The following SH3RF1 variants were observed in gnomAD, a reference collection of about 807,000 sequenced individuals.
SH3RF1 encodes the protein E3 ubiquitin-protein ligase SH3RF1.
Under a neutral mutation model 74.0 loss-of-function variants are expected in SH3RF1, and 32 were observed. The observed-to-expected ratio is 0.43, with a 90% CI of 0.33 to 0.58. The LOEUF is 0.58. Among genes scored for constraint, SH3RF1 ranks in the 20% least tolerant of loss-of-function variants. The pLI is 0.05. For missense variants in SH3RF1, 954 were observed against 1,130.9 expected, an observed-to-expected ratio of 0.84 and a Z score of 2.24; for synonymous variants, 396 against 439.6, an observed-to-expected ratio of 0.90 and a Z score of 1.24.
At chr4:169,268,779 T>C in intron 2 of SH3RF1, 41 bp downstream of exon 2, 1 of 1,518,888 alleles carries the variant, frequency 6.6e-7, no homozygotes. Context: ...ATGTGGACAT[T>C]ACCACCTTTA....
In SH3RF1 at chr4:169,234,398, C is replaced by T. The variant is rs150566149; in HGVS notation, c.393+34422G>A. On this transcript the variant is annotated intron_variant, in intron 2 of 11. Coordinates refer to ENST00000284637, the MANE Select transcript of SH3RF1 (RefSeq NM_020870.4). ...CCCTGATTTAGAATATGATCTCAGACGAAATACCATGGTCTTCCAGTTCTC... is the reference window on the plus strand; with the variant it reads ...CCCTGATTTAGAATATGATCTCAGATGAAATACCATGGTCTTCCAGTTCTC... 8.4e-4 allele frequency among the ~76,000 whole-genome samples: 128 copies of T among 152,146 alleles called. 1 individual carries two copies. The highest frequency in any genetic ancestry group is 5.8e-3 in the East Asian group (30 of 5,168).
intron 4 of SH3RF1, among the ~76,000 whole-genome samples, chr4:169,155,234 G>C (rs1734032034): frequency 6.6e-6 from 1 of 152,182 alleles, no homozygotes; most frequent in African/African-American, 2.4e-5. Context: ...TAAGCATACA[G>C]TGACATTTAA....
At chr4:169,187,283 C>G (rs1734622070) in intron 2 of SH3RF1, among the ~76,000 whole-genome samples, 1 of 152,174 alleles carries the variant, frequency 6.6e-6, no homozygotes, top group African/African-American at 2.4e-5. Context: ...ATTGCAGCCT[C>G]CCAGGCTCAA....
chr4:169,153,718 T>G (rs1429971141), intron 4 of SH3RF1, among the ~76,000 whole-genome samples: 2 of 152,190 alleles, frequency 1.3e-5, no homozygotes, highest in African/African-American at 4.8e-5. Context: ...GAAATGTTCA[T>G]AGGCTCCTAA....
At chr4:169,154,849 A>C (rs1239872606) in intron 4 of SH3RF1, among the ~76,000 whole-genome samples, 1 of 152,082 alleles carries the variant, frequency 6.6e-6, no homozygotes, top group Non-Finnish European at 1.5e-5. Flanking sequence ...ATGAATTGTA[A>C]CTCCTTTATG....
At position 169,096,428 on chromosome 4, in the gene SH3RF1, C is replaced by T; in HGVS notation, c.*91G>A. On this transcript the variant is annotated 3_prime_UTR_variant, in exon 12 of 12. Transcript: ENST00000284637. ...AATCCTTTGCTCATCTCCTGACCATCTGGAAGTCCACAAATGTGCTCTTTC... is the reference window on the plus strand; with the variant it reads ...AATCCTTTGCTCATCTCCTGACCATTTGGAAGTCCACAAATGTGCTCTTTC... 1 of 1,398,406 alleles carries T rather than the reference C, an allele frequency of 7.2e-7. No homozygotes were observed. Among genetic ancestry groups the T allele is most frequent in the African/African-American group, 1.5e-5 (1 of 66,974 alleles). The allele number at this position is 1,398,406 out of a possible 1,614,324, so 86.6% of individuals were successfully genotyped here.
intron 4 of SH3RF1, among the ~76,000 whole-genome samples, chr4:169,153,428 G>C (rs1334766930): frequency 6.6e-6 from 1 of 152,170 alleles, no homozygotes; most frequent in Non-Finnish European, 1.5e-5. Flanking sequence ...TTTATACTGG[G>C]ATTGTCTGGC....
intron 2 of SH3RF1, among the ~76,000 whole-genome samples, chr4:169,195,835 A>C (rs2126987157): frequency 6.6e-6 from 1 of 152,116 alleles, no homozygotes; most frequent in Non-Finnish European, 1.5e-5. Flanking sequence ...CAGTAAGCAC[A>C]ATTATTTTAT....
At chr4:169,250,183 GT>G (rs1731076853) in intron 2 of SH3RF1, among the ~76,000 whole-genome samples, 1 of 152,126 alleles carries the variant, frequency 6.6e-6, no homozygotes, top group South Asian at 2.1e-4. Flanking sequence ...ATTTTCTGGT[GT>G]TCTGGGTAGC....
intron 2 of SH3RF1, among the ~76,000 whole-genome samples, chr4:169,231,212 T>G (rs1324658356): frequency 6.6e-6 from 1 of 152,192 alleles, no homozygotes; most frequent in East Asian, 1.9e-4. Flanking sequence ...ATTACATTAT[T>G]GTTGTTCTTA....
chr4:169,262,123 A>G (rs1731288661), intron 2 of SH3RF1, among the ~76,000 whole-genome samples: 1 of 152,186 alleles, frequency 6.6e-6, no homozygotes, highest in African/African-American at 2.4e-5. Context: ...GAGTAGGTCT[A>G]TGTGCTTAAA....
intron 2 of SH3RF1, among the ~76,000 whole-genome samples, chr4:169,186,126 A>G (rs151157935): frequency 8.8e-4 from 134 of 152,318 alleles, no homozygotes; most frequent in African/African-American, 3.1e-3. Context: ...ATATAGAAAA[A>G]TTAGTGCAAG....
At chr4:169,181,911 C>A (rs1164888614) in intron 2 of SH3RF1, among the ~76,000 whole-genome samples, 1 of 152,124 alleles carries the variant, frequency 6.6e-6, no homozygotes, top group Non-Finnish European at 1.5e-5. Flanking sequence ...ATCACATATC[C>A]ATCTAACATA....
intron 2 of SH3RF1, among the ~76,000 whole-genome samples, chr4:169,157,437 G>A (rs1734077362): frequency 6.6e-6 from 1 of 152,196 alleles, no homozygotes; most frequent in Non-Finnish European, 1.5e-5. Context: ...TAATGTTCCT[G>A]CATTGCATTA....
chr4:169,265,845 T>C (rs1731343930), intron 2 of SH3RF1, among the ~76,000 whole-genome samples: 1 of 152,264 alleles, frequency 6.6e-6, no homozygotes. Flanking sequence ...TACTTAATGA[T>C]TCCTTAAATC....
At chr4:169,181,257 CTTTTTTTTTTTTTTT>C (rs397878328) in intron 2 of SH3RF1, among the ~76,000 whole-genome samples, 9 of 103,380 alleles carry the variant, frequency 8.7e-5, no homozygotes, top group African/African-American at 3.7e-4. Context: ...TTGGGAAAGC[CTTTTTTTTTTTTTTT>C]TTTTTTTTGA....
At chr4:169,125,336 A>G (rs142641669) in intron 6 of SH3RF1, among the ~76,000 whole-genome samples, 3 of 152,314 alleles carry the variant, frequency 2.0e-5, no homozygotes, top group African/African-American at 7.2e-5. Flanking sequence ...CTGGCAGGTG[A>G]CAATGCTAGT....
chr4:169,168,719 C>T (rs1734282694), intron 2 of SH3RF1, among the ~76,000 whole-genome samples: 1 of 152,192 alleles, frequency 6.6e-6, no homozygotes, highest in African/African-American at 2.4e-5. Flanking sequence ...TGAACAGTCT[C>T]ACGTTTGGTT....
At chr4:169,134,117 A>C (rs1733660446) in intron 5 of SH3RF1, among the ~76,000 whole-genome samples, 1 of 152,184 alleles carries the variant, frequency 6.6e-6, no homozygotes, top group South Asian at 2.1e-4. Flanking sequence ...TGGAGAAACC[A>C]GGCAGCACTT....
Sources: allele counts gnomAD v4.1 joint callset (sites outside exome capture counted in the v4.1 genomes callset), GRCh38; gene constraint gnomAD v4.1.1; transcripts MANE v1.5; gene names NCBI Gene and HGNC (gene_info 2026-07-23, HGNC 2026-07-21).